The following ZCCHC7 variants were observed in gnomAD, a reference collection of about 807,000 sequenced individuals.
ZCCHC7 encodes zinc finger CCHC-type containing 7.
ZCCHC7 carries 35 observed loss-of-function variants against 52.0 expected under a neutral mutation model. The observed-to-expected ratio is 0.67, with a 90% CI of 0.51 to 0.89. The LOEUF is 0.89. Ranked by LOEUF, ZCCHC7 falls within the 40% of genes least tolerant of loss-of-function variation. The pLI is 0.00. For missense variants in ZCCHC7, 574 were observed against 649.1 expected (o/e 0.88, Z 1.26); for synonymous variants, 217 against 221.5 (o/e 0.98, Z 0.18).
chr9:37,294,984 A>G (rs940933235), intron 2 of ZCCHC7, among the ~76,000 whole-genome samples: 3 of 152,238 alleles, frequency 2.0e-5, no homozygotes, highest in African/African-American at 7.2e-5. Flanking sequence ...AATGTTATTT[A>G]ATTAATTAAT....
At chr9:37,266,179 A>G (rs1827099156) in intron 2 of ZCCHC7, among the ~76,000 whole-genome samples, 1 of 152,232 alleles carries the variant, frequency 6.6e-6, no homozygotes, top group Non-Finnish European at 1.5e-5. Flanking sequence ...TTCATCCAAA[A>G]AAACAGAATG....
intron 5 of ZCCHC7, among the ~76,000 whole-genome samples, chr9:37,313,873 AT>A (rs1829700891): frequency 6.6e-6 from 1 of 152,206 alleles, no homozygotes; most frequent in South Asian, 2.1e-4. Flanking sequence ...TTCTTCATAA[AT>A]TACCCCAGTG....
chr9:37,149,803 G>A (rs1243834869), intron 2 of ZCCHC7, among the ~76,000 whole-genome samples: 1 of 152,084 alleles, frequency 6.6e-6, no homozygotes, highest in Non-Finnish European at 1.5e-5. Flanking sequence ...ATAAAAATGG[G>A]AAACACATAA....
chr9:37,209,845 T>C (rs1824119316), intron 2 of ZCCHC7, among the ~76,000 whole-genome samples: 1 of 152,132 alleles, frequency 6.6e-6, no homozygotes, highest in South Asian at 2.1e-4. Context: ...ATGCTAAAGA[T>C]TATTTGTGGG....
chr9:37,215,190 A>G lies in ZCCHC7; in HGVS notation c.611-86998A>G, dbSNP rs1018966300. ...GTGTCTGGGATTATTCTGTTTTTCA[A>G]TTTGTTTTAATGCTTCCTTGGTAAA... On this transcript the variant is annotated intron_variant, in intron 2 of 8. Transcript: ENST00000336755. Among the ~76,000 whole-genome samples, 5 of 152,190 alleles carry G rather than the reference A, an allele frequency of 3.3e-5. No individual in the cohort carries two copies. In the East Asian group the frequency reaches 7.7e-4, roughly 23 times the overall value.
chr9:37,206,962 C>G (rs1218125163), intron 2 of ZCCHC7, among the ~76,000 whole-genome samples: 1 of 149,878 alleles, frequency 6.7e-6, no homozygotes, highest in Non-Finnish European at 1.5e-5. Flanking sequence ...TGTAGTCTCT[C>G]CAAAAAAAAA....
intron 2 of ZCCHC7, among the ~76,000 whole-genome samples, chr9:37,270,361 A>G (rs180681659): frequency 2.2e-4 from 33 of 152,236 alleles, no homozygotes; most frequent in Admixed American, 7.8e-4. Flanking sequence ...AAAGACTCAG[A>G]TACACTACAT....
chr9:37,257,142 G>A (rs759674761), intron 2 of ZCCHC7, among the ~76,000 whole-genome samples: 13 of 152,194 alleles, frequency 8.5e-5, no homozygotes, highest in Admixed American at 2.6e-4. Flanking sequence ...ATCTGTAGCC[G>A]TAGTAAATTT....
At chr9:37,262,652 T>C (rs192041345) in intron 2 of ZCCHC7, among the ~76,000 whole-genome samples, 126 of 152,298 alleles carry the variant, frequency 8.3e-4, no homozygotes, top group African/African-American at 2.7e-3. Flanking sequence ...CCAGGGAAAA[T>C]CATACATTTT....
At chr9:37,219,631 T>C (rs1225147072) in intron 2 of ZCCHC7, among the ~76,000 whole-genome samples, 2 of 152,238 alleles carry the variant, frequency 1.3e-5, no homozygotes, top group South Asian at 2.1e-4. Flanking sequence ...AAAATAAATA[T>C]TGAATAGGAA....
chr9:37,302,304 G>A (rs548192982), intron 3 of ZCCHC7, 73 bp downstream of exon 3: 1 of 1,276,806 alleles, frequency 7.8e-7, no homozygotes, highest in South Asian at 1.3e-5. Flanking sequence ...ATAACTTTTG[G>A]AACATTAATA....
At position 37,316,280 on chromosome 9, in the gene ZCCHC7, G is replaced by A. The variant is rs530643969; in HGVS notation, c.951+10566G>A. On this transcript the variant is annotated intron_variant, in intron 5 of 8. Coordinates refer to ENST00000336755, the MANE Select transcript of ZCCHC7 (RefSeq NM_032226.3). ...TCGCCATGTTGTCCAGGCTGGTCTCGAACTCCTAACCTCAAGTGATCTGCC... is the reference window on the plus strand; with the variant it reads ...TCGCCATGTTGTCCAGGCTGGTCTCAAACTCCTAACCTCAAGTGATCTGCC... Among the ~76,000 whole-genome samples the A allele has an allele frequency of 4.6e-5, 7 of 151,008 alleles. No individual in the cohort carries two copies. The South Asian group carries it at 1.0e-3, about 23-fold the overall frequency.
At chr9:37,204,653 T>G (rs1362858986) in intron 2 of ZCCHC7, among the ~76,000 whole-genome samples, 1 of 152,212 alleles carries the variant, frequency 6.6e-6, no homozygotes, top group African/African-American at 2.4e-5. Flanking sequence ...ACTATTCTGT[T>G]CCACTGGTCT....
intron 2 of ZCCHC7, among the ~76,000 whole-genome samples, chr9:37,136,513 A>G (rs564397141): frequency 1.3e-5 from 2 of 152,040 alleles, no homozygotes; most frequent in East Asian, 1.9e-4. Flanking sequence ...GCAGGAGTAC[A>G]GTATTGCAGT....
chr9:37,342,206 T>A (rs1820685135), intron 6 of ZCCHC7, among the ~76,000 whole-genome samples: 1 of 152,118 alleles, frequency 6.6e-6, no homozygotes, highest in South Asian at 2.1e-4. Context: ...GCTTTGCTGA[T>A]GGGCTGGGTA....
intron 6 of ZCCHC7, among the ~76,000 whole-genome samples, chr9:37,330,443 A>G (rs1425743579): frequency 6.6e-6 from 1 of 151,682 alleles, no homozygotes; most frequent in African/African-American, 2.4e-5. Context: ...CATATACACA[A>G]ACATCCATAT....
intron 2 of ZCCHC7, among the ~76,000 whole-genome samples, chr9:37,206,463 C>CA (rs1003449635): frequency 6.6e-6 from 1 of 151,968 alleles, no homozygotes. Flanking sequence ...GCAATCCTCC[C>CA]ACCTCAGCCC....
At chr9:37,280,796 T>G (rs1311018045) in intron 2 of ZCCHC7, among the ~76,000 whole-genome samples, 4 of 152,086 alleles carry the variant, frequency 2.6e-5, no homozygotes, top group Admixed American at 1.3e-4. Flanking sequence ...TGAGACAGAG[T>G]CTTGCTTTGT....
intron 6 of ZCCHC7, among the ~76,000 whole-genome samples, chr9:37,328,286 A>G (rs1351311533): frequency 1.3e-5 from 2 of 152,042 alleles, no homozygotes; most frequent in African/African-American, 4.8e-5. Context: ...TTCATATAGA[A>G]TAATTCAACT....
Sources: gnomAD v4.1 joint callset for allele counts (sites outside exome capture counted in the v4.1 genomes callset) on GRCh38, gnomAD v4.1.1 for gene constraint, MANE v1.5 for transcripts, NCBI Gene and HGNC (gene_info 2026-07-23, HGNC 2026-07-21) for gene names.